EIF1AX: variants seen among roughly 807,000 people sequenced by gnomAD.
EIF1AX encodes the protein eukaryotic translation initiation factor 1A, X-chromosomal.
Under a neutral mutation model 16.1 loss-of-function variants are expected in EIF1AX, and 1 was observed. That is an observed-to-expected ratio of 0.06 (90% CI 0.02 to 0.30). The LOEUF (loss-of-function observed/expected upper bound fraction) is 0.30, where lower values mean the gene tolerates loss of function less well. EIF1AX is among the 10% of genes least tolerant of loss of function. The probability of loss-of-function intolerance (pLI) is 1.00; values close to 1 mark genes in which losing one functional copy is unlikely to be tolerated. For missense variants in EIF1AX, 11 were observed against 109.1 expected (o/e 0.10, Z 4.00); for synonymous variants, 32 against 37.3 (o/e 0.86, Z 0.51).
At position 20,126,325 on chromosome X, in the gene EIF1AX, C is replaced by T. The variant is rs2148605973; in HGVS notation, c.*1981G>A. 1 of 127,059 alleles carries T rather than the reference C, an allele frequency of 7.9e-6. No homozygotes were observed. Among genetic ancestry groups the T allele is most frequent in the African/African-American group, 3.9e-5 (1 of 25,796 alleles). 10.5% of individuals were successfully genotyped at this position (127,059 alleles called of 1,213,427 possible). ...AAGTAGTATTGCATATAAGCTACAA[C>T]TTTACCCCAACTATTTTAATCACTA... On this transcript the variant is annotated 3_prime_UTR_variant, in exon 7 of 7. Coordinates refer to ENST00000379607, the MANE Select transcript of EIF1AX (RefSeq NM_001412.4).
At chrX:20,132,141 A>C (rs181089370) in intron 5 of EIF1AX, 41 bp downstream of exon 5, 12 of 1,071,512 alleles carry the variant, frequency 1.1e-5, no homozygotes, top group Non-Finnish European at 1.5e-5. Context: ...CACATAACCT[A>C]AATACCATAT....
chrX:20,130,731 C>A, intron 5 of EIF1AX, 124 bp from the exon 6 acceptor site: 1 of 639,966 alleles, frequency 1.6e-6, no homozygotes, highest in Non-Finnish European at 2.2e-6. Context: ...AAAATTCCTG[C>A]AGTGTCACTG....
At chrX:20,130,396 T>G (rs1450490404) in intron 6 of EIF1AX, 120 bp downstream of exon 6, 1 of 635,373 alleles carries the variant, frequency 1.6e-6, no homozygotes, top group African/African-American at 2.4e-5. Context: ...ATTCAGACAA[T>G]TCTCAAAATA....
rs2066990289 is a variant in EIF1AX at position 20,127,941 on chromosome X, G to A, written c.*365C>T. 1 of 178,877 alleles carries A rather than the reference G, an allele frequency of 5.6e-6. No individual in the cohort carries two copies. Among genetic ancestry groups the A allele is most frequent in the South Asian group, 2.3e-4 (1 of 4,305 alleles). 14.7% of individuals were successfully genotyped at this position (178,877 alleles called of 1,213,427 possible). On this transcript the variant is annotated 3_prime_UTR_variant, in exon 7 of 7. Coordinates refer to ENST00000379607, the MANE Select transcript of EIF1AX (RefSeq NM_001412.4). ...ACACAATGACTCTATACAATCAAGA[G>A]GCCAGGGCTTAATCAGATTCCGTGA...
In EIF1AX at chrX:20,125,810, A is replaced by G. The variant is rs1222858955; in HGVS notation, c.*2496T>C. ...TTGTAAGCAAACATTTATAGCCATG[A>G]TTCCACAGATGTGGTGAGTAAACCA... is the stretch of plus-strand genomic sequence containing the variant. On this transcript the variant is annotated 3_prime_UTR_variant, in exon 7 of 7. Coordinates refer to ENST00000379607, the MANE Select transcript of EIF1AX (RefSeq NM_001412.4). The G allele has an allele frequency of 3.8e-5, 6 of 157,955 alleles. No homozygotes were observed. Among genetic ancestry groups the G allele is most frequent in the East Asian group, 1.9e-4 (2 of 10,514 alleles). The allele number at this position is 157,955 out of a possible 1,213,427, so 13.0% of individuals were successfully genotyped here.
chrX:20,130,473 GGAT>G, intron 6 of EIF1AX, 40 bp downstream of exon 6: 1 of 1,144,329 alleles, frequency 8.7e-7, no homozygotes, highest in East Asian at 3.2e-5. Context: ...GTTTCTCCAT[GGAT>G]AATAACAAAA....
intron 6 of EIF1AX, among the ~76,000 whole-genome samples, chrX:20,129,881 A>C (rs1380835275): frequency 8.9e-6 from 1 of 112,453 alleles, no homozygotes; most frequent in Non-Finnish European, 1.9e-5. Context: ...CTGTCCACTA[A>C]ATTTCTTAAT....
At chrX:20,136,251 C>A in intron 2 of EIF1AX, 1 of 356,032 alleles carries the variant, frequency 2.8e-6, no homozygotes, top group Non-Finnish European at 5.5e-6. Context: ...ACACACCCCC[C>A]ACACACACAC....
rs771963606 is a variant in EIF1AX at position 20,135,610 on chromosome X, TA to T, written c.204+127del. Reference sequence around the variant, plus strand: ...CAGACCTTGCTATTTTACTTATAGGTAAATCACTGTTTACCAAGGTAAGTCT... The same window carrying T: ...CAGACCTTGCTATTTTACTTATAGGTAATCACTGTTTACCAAGGTAAGTCT... On this transcript the variant is annotated intron_variant, in intron 3 of 6. Coordinates refer to ENST00000379607, the MANE Select transcript of EIF1AX (RefSeq NM_001412.4). 471 of 463,065 alleles carry T rather than the reference TA, an allele frequency of 1.0e-3. 2 individuals carry two copies. The highest frequency in any genetic ancestry group is 1.6e-3 in the Non-Finnish European group (420 of 262,639). The allele number at this position is 463,065 out of a possible 1,213,427, so 38.2% of individuals were successfully genotyped here.
At chrX:20,138,025 GAC>G (rs1272464750) in intron 2 of EIF1AX, among the ~76,000 whole-genome samples, 5 of 58,553 alleles carry the variant, frequency 8.5e-5, no homozygotes, top group African/African-American at 3.9e-4. Flanking sequence ...TTTTTTTTGA[GAC>G]AGAGTCTCCC....
Position 20,125,412 on chromosome X carries a change from G to C in EIF1AX, c.*2894C>G, listed in dbSNP as rs1248449181. On this transcript the variant is annotated 3_prime_UTR_variant, in exon 7 of 7. Coordinates refer to ENST00000379607, the MANE Select transcript of EIF1AX (RefSeq NM_001412.4). ...TAGGGTAAACCAAAAACACAAAGCA[G>C]TGTGCAAAAGTTCATGGGAGTCCAA... 4 of 171,070 alleles carry C rather than the reference G, an allele frequency of 2.3e-5. No individual in the cohort carries two copies. The highest frequency in any genetic ancestry group is 4.5e-5 in the Non-Finnish European group (4 of 89,409). The allele number at this position is 171,070 out of a possible 1,213,427, so 14.1% of individuals were successfully genotyped here. A position where few individuals can be genotyped will look rare whatever the true frequency, so the allele number is the denominator to read the frequency against.
rs1166559921 is a variant in EIF1AX at position 20,127,628 on chromosome X, C to T, written c.*678G>A. 7 of 151,910 alleles carry T rather than the reference C, an allele frequency of 4.6e-5. No individual in the cohort carries two copies. Among genetic ancestry groups the T allele is most frequent in the African/African-American group, 2.2e-4 (7 of 32,197 alleles). 12.5% of individuals were successfully genotyped at this position (151,910 alleles called of 1,213,427 possible). ...ATCAGTACTTCCCCTGTTAAGATAA[C>T]TGAGTGCCACCTAGTGTTCAATTTC... On this transcript the variant is annotated 3_prime_UTR_variant, in exon 7 of 7. Coordinates refer to ENST00000379607, the MANE Select transcript of EIF1AX (RefSeq NM_001412.4).
chrX:20,141,837 G>A lies in EIF1AX; in HGVS notation c.-197C>T. 2.5e-6 allele frequency: 1 copy of A among 406,654 alleles called. No individual in the cohort carries two copies. The highest frequency in any genetic ancestry group is 4.2e-6 in the Non-Finnish European group (1 of 237,878). 33.5% of individuals were successfully genotyped at this position (406,654 alleles called of 1,213,427 possible). A position where few individuals can be genotyped will look rare whatever the true frequency, so the allele number is the denominator to read the frequency against. ...CGTCCACGCTCGGCGGCAGCAAATG[G>A]CGCCGCGACTCTTTGCGTCGCTTTT... On this transcript the variant is annotated 5_prime_UTR_variant, in exon 1 of 7. Transcript: ENST00000379607.
intron 3 of EIF1AX, 57 bp downstream of exon 3, chrX:20,135,681 T>C (rs1327617053): frequency 2.2e-6 from 2 of 896,860 alleles, no homozygotes; most frequent in African/African-American, 2.0e-5. Context: ...TTAAAAACTG[T>C]AGAGGGATTT....
intron 1 of EIF1AX, among the ~76,000 whole-genome samples, chrX:20,139,463 A>G (rs1263255760): frequency 1.8e-5 from 2 of 111,890 alleles, no homozygotes; most frequent in Admixed American, 9.5e-5. Flanking sequence ...AGCTTCAGTG[A>G]GTAAATCAGT....
intron 1 of EIF1AX, chrX:20,140,116 CCA>C (rs1282052085): frequency 8.9e-6 from 1 of 111,946 alleles, no homozygotes; most frequent in Non-Finnish European, 1.9e-5. Context: ...GGAGAAATTC[CCA>C]GAGAGGCTCT....
chrX:20,140,963 G>C (rs2067032191), intron 1 of EIF1AX, among the ~76,000 whole-genome samples: 1 of 110,415 alleles, frequency 9.1e-6, no homozygotes, highest in South Asian at 3.8e-4. Context: ...ACTTAAATTA[G>C]GTCTTTATTC....
chrX:20,132,679 T>C (rs1157280191), intron 4 of EIF1AX, among the ~76,000 whole-genome samples: 3 of 112,122 alleles, frequency 2.7e-5, no homozygotes, highest in Non-Finnish European at 5.6e-5. Flanking sequence ...AAATTATACC[T>C]TTCTGTATTA....
chrX:20,141,165 A>G (rs948988641), intron 1 of EIF1AX, among the ~76,000 whole-genome samples: 1 of 111,574 alleles, frequency 9.0e-6, no homozygotes, highest in African/African-American at 3.3e-5. Flanking sequence ...ACAATACTGA[A>G]CTGTCCATAA....
Sources: gnomAD v4.1 joint callset for allele counts (sites outside exome capture counted in the v4.1 genomes callset) on GRCh38, gnomAD v4.1.1 for gene constraint, MANE v1.5 for transcripts, NCBI Gene and HGNC (gene_info 2026-07-23, HGNC 2026-07-21) for gene names.